The following SGCZ variants were observed in gnomAD, a reference collection of about 807,000 sequenced individuals.
The protein encoded by SGCZ is sarcoglycan zeta, also known as zeta-sarcoglycan.
A neutral mutation model predicts 41.3 loss-of-function variants in SGCZ; 40 were observed. The observed-to-expected ratio is 0.97, with a 90% CI of 0.75 to 1.26. The LOEUF (loss-of-function observed/expected upper bound fraction) is 1.26. SGCZ is among the 50% of genes most tolerant of loss of function. The pLI, the probability that SGCZ is intolerant of heterozygous loss-of-function variation, is 0.00. For synonymous variants in SGCZ, 206 were observed against 137.5 expected (o/e 1.50, Z -3.49); for missense variants, 552 against 369.8 (o/e 1.49, Z -4.04).
At chr8:14,687,893 G>A (rs1410673694) in intron 1 of SGCZ, among the ~76,000 whole-genome samples, 2 of 152,174 alleles carry the variant, frequency 1.3e-5, no homozygotes, top group African/African-American at 2.4e-5. Context: ...CATTCTAACT[G>A]GTGTGAGATG....
chr8:14,652,334 C>CAA (rs34266117), intron 1 of SGCZ, among the ~76,000 whole-genome samples: 16 of 47,726 alleles, frequency 3.4e-4, no homozygotes, highest in Middle Eastern at 8.9e-3. Flanking sequence ...CAGCAAGACT[C>CAA]AAAAAAAAAA....
intron 1 of SGCZ, among the ~76,000 whole-genome samples, chr8:15,211,402 T>C (rs1457113873): frequency 6.6e-6 from 1 of 152,154 alleles, no homozygotes; most frequent in Non-Finnish European, 1.5e-5. Flanking sequence ...CTTTTTCTCA[T>C]TGTCCATACA....
intron 1 of SGCZ, among the ~76,000 whole-genome samples, chr8:15,159,461 A>G (rs59823587): frequency 0.24 from 36,264 of 152,084 alleles, 4,734 homozygotes; most frequent in East Asian, 0.55. Context: ...TGTGACTGGC[A>G]TCCAAAGCTG....
At chr8:14,344,738 A>C (rs946166314) in intron 2 of SGCZ, among the ~76,000 whole-genome samples, 1 of 152,144 alleles carries the variant, frequency 6.6e-6, no homozygotes, top group Admixed American at 6.6e-5. Context: ...TTACTGAATG[A>C]AACAGTCAAT....
At chr8:14,194,990 G>C (rs1805219639) in intron 4 of SGCZ, among the ~76,000 whole-genome samples, 1 of 152,048 alleles carries the variant, frequency 6.6e-6, no homozygotes, top group Non-Finnish European at 1.5e-5. Flanking sequence ...ATTGCAACCA[G>C]AAATAAGTTT....
intron 1 of SGCZ, among the ~76,000 whole-genome samples, chr8:15,012,968 G>T (rs1211559520): frequency 6.6e-6 from 1 of 151,678 alleles, no homozygotes; most frequent in Admixed American, 6.6e-5. Flanking sequence ...AAGTTATCTT[G>T]CTCTTAGGTT....
At chr8:14,432,889 G>C (rs1357333790) in intron 2 of SGCZ, among the ~76,000 whole-genome samples, 10 of 123,268 alleles carry the variant, frequency 8.1e-5, no homozygotes, top group Non-Finnish European at 1.1e-4. Flanking sequence ...ACTCCAGCCT[G>C]GGCAAAAGAG....
intron 1 of SGCZ, among the ~76,000 whole-genome samples, chr8:14,638,685 T>C (rs1363813651): frequency 6.6e-6 from 1 of 151,764 alleles, no homozygotes. Flanking sequence ...GCTCAGTTGT[T>C]TTCTCCCCTG....
chr8:14,168,430 G>T (rs1804273277), intron 4 of SGCZ, among the ~76,000 whole-genome samples: 1 of 152,144 alleles, frequency 6.6e-6, no homozygotes, highest in Non-Finnish European at 1.5e-5. Flanking sequence ...GAGGGACCCA[G>T]TGGGAGGTAA....
At chr8:14,910,690 TTA>T (rs2130776302) in intron 1 of SGCZ, among the ~76,000 whole-genome samples, 1 of 152,054 alleles carries the variant, frequency 6.6e-6, no homozygotes, top group African/African-American at 2.4e-5. Context: ...ATTGATTCTT[TTA>T]AAGCACTTTG....
chr8:14,139,131 C>G (rs1156329146), intron 5 of SGCZ, among the ~76,000 whole-genome samples: 1 of 152,078 alleles, frequency 6.6e-6, no homozygotes, highest in Non-Finnish European at 1.5e-5. Context: ...TAAAGATGTT[C>G]TTTGAAACCA....
intron 1 of SGCZ, among the ~76,000 whole-genome samples, chr8:14,999,151 G>A (rs1377264810): frequency 2.0e-5 from 3 of 152,142 alleles, no homozygotes; most frequent in African/African-American, 7.2e-5. Context: ...ATGTTTCCAT[G>A]TAGCCACACA....
chr8:14,833,324 GA>G (rs1187955798), intron 1 of SGCZ, among the ~76,000 whole-genome samples: 2 of 151,856 alleles, frequency 1.3e-5, no homozygotes, highest in African/African-American at 2.4e-5. Context: ...CAACTGGAAA[GA>G]AAAAAAACCA....
At chr8:15,216,591 C>A (rs1801411456) in intron 1 of SGCZ, among the ~76,000 whole-genome samples, 1 of 151,962 alleles carries the variant, frequency 6.6e-6, no homozygotes, top group African/African-American at 2.4e-5. Flanking sequence ...ATACAGAATT[C>A]CCAGGAAACT....
At chr8:15,209,475 TAAAAAAAAAAAAAAAAAAA>T (rs57088562) in intron 1 of SGCZ, among the ~76,000 whole-genome samples, 114,767 of 142,638 alleles carry the variant, frequency 0.8, 44,882 homozygotes, top group Middle Eastern at 0.84. Flanking sequence ...AGCATAATAG[TAAAAAAAAAAAAAAAAAAA>T]AAAAAAAAAG....
intron 5 of SGCZ, among the ~76,000 whole-genome samples, chr8:14,111,571 G>A (rs1802373084): frequency 6.6e-6 from 1 of 152,050 alleles, no homozygotes; most frequent in Admixed American, 6.6e-5. Context: ...TGTTCAAAAG[G>A]GTACAATGTT....
At chr8:14,957,780 C>A (rs1282130726) in intron 1 of SGCZ, among the ~76,000 whole-genome samples, 2 of 151,910 alleles carry the variant, frequency 1.3e-5, no homozygotes, top group African/African-American at 4.8e-5. Context: ...GTTTTCTTCT[C>A]ATGGTGGATG....
chr8:14,555,463 A>G (rs1804006770), intron 1 of SGCZ, among the ~76,000 whole-genome samples: 1 of 151,986 alleles, frequency 6.6e-6, no homozygotes, highest in South Asian at 2.1e-4. Flanking sequence ...CTCCTGCCAT[A>G]TAAGACGTGT....
At chr8:14,825,545 T>C (rs1479475204) in intron 1 of SGCZ, among the ~76,000 whole-genome samples, 1 of 152,246 alleles carries the variant, frequency 6.6e-6, no homozygotes, top group Non-Finnish European at 1.5e-5. Flanking sequence ...ATATTGTATG[T>C]ACTTGAACAA....
Sources: gnomAD v4.1 joint callset for allele counts (sites outside exome capture counted in the v4.1 genomes callset) on GRCh38, gnomAD v4.1.1 for gene constraint, MANE v1.5 for transcripts, NCBI Gene and HGNC (gene_info 2026-07-23, HGNC 2026-07-21) for gene names.